The following DNAH12 variants were observed in gnomAD, a reference collection of about 807,000 sequenced individuals.
DNAH12 encodes dynein axonemal heavy chain 12.
DNAH12 carries 285 observed loss-of-function variants against 371.5 expected under a neutral mutation model. That is an observed-to-expected ratio of 0.77 (90% CI 0.70 to 0.85). DNAH12 has a LOEUF of 0.85. Ranked by LOEUF, DNAH12 falls within the 40% of genes least tolerant of loss-of-function variation. The pLI is 0.00. For synonymous variants in DNAH12, 1,200 were observed against 1,213.0 expected (o/e 0.99, Z 0.22); for missense variants, 3,611 against 3,689.4 (o/e 0.98, Z 0.55).
At chr3:57,403,216 G>T in intron 43 of DNAH12, 93 bp downstream of exon 43, 2 of 1,240,170 alleles carry the variant, frequency 1.6e-6, no homozygotes, top group Non-Finnish European at 2.2e-6. Context: ...CATCACTGGA[G>T]TTCAGTACAC....
intron 40 of DNAH12, 110 bp downstream of exon 40, chr3:57,408,170 C>T (rs1489627310): frequency 8.2e-7 from 1 of 1,223,884 alleles, no homozygotes; most frequent in African/African-American, 1.6e-5. Flanking sequence ...GTCTTCTAAA[C>T]AGTTTCTCTG....
At chr3:57,483,612 A>G in intron 12 of DNAH12, 101 bp from the exon 13 acceptor site, 3 of 1,262,740 alleles carry the variant, frequency 2.4e-6, no homozygotes, top group East Asian at 2.6e-5. Flanking sequence ...GAACTATGAT[A>G]TCCTAAAAAA....
intron 70 of DNAH12, among the ~76,000 whole-genome samples, chr3:57,298,936 T>C (rs953935467): frequency 2.0e-5 from 3 of 152,218 alleles, no homozygotes; most frequent in African/African-American, 7.2e-5. Context: ...AAATGAGGTC[T>C]CAATTCATAT....
upstream of DNAH12, among the ~76,000 whole-genome samples, chr3:57,546,490 C>T (rs150737613): frequency 3.3e-5 from 5 of 152,230 alleles, no homozygotes; most frequent in East Asian, 9.7e-4. Context: ...TACAGGCACA[C>T]ACCACGACAT....
At chr3:57,435,373 CAAAAAA>C (rs34515598) in intron 30 of DNAH12, among the ~76,000 whole-genome samples, 1 of 94,740 alleles carries the variant, frequency 1.1e-5, no homozygotes. Flanking sequence ...CTCTGTCTCC[CAAAAAA>C]AAAAAAAAAA....
At chr3:57,296,789 G>T in intron 71 of DNAH12, 58 bp downstream of exon 71, 1 of 1,511,598 alleles carries the variant, frequency 6.6e-7, no homozygotes, top group South Asian at 1.3e-5. Context: ...ACATAAACTC[G>T]GTTTAAATAC....
chr3:57,524,028 T>C (rs989736107), intron 2 of DNAH12, 144 bp from the exon 3 acceptor site: 12 of 501,736 alleles, frequency 2.4e-5, no homozygotes, highest in East Asian at 1.3e-4. Context: ...CAAATCCCAA[T>C]AGACATTATC....
intron 39 of DNAH12, among the ~76,000 whole-genome samples, chr3:57,410,903 C>A (rs1482526237): frequency 4.0e-5 from 6 of 151,842 alleles, no homozygotes; most frequent in African/African-American, 1.5e-4. Flanking sequence ...TACAAAAACC[C>A]TACAGCTAAC....
intron 57 of DNAH12, among the ~76,000 whole-genome samples, chr3:57,364,248 T>C: frequency 6.6e-6 from 1 of 152,144 alleles, no homozygotes; most frequent in Non-Finnish European, 1.5e-5. Flanking sequence ...AAAAATGGGA[T>C]GAAACTTCAA....
chr3:57,297,038 CACCTGATGTACA>C, intron 70 of DNAH12, 54 bp from the exon 71 acceptor site: 1 of 1,534,624 alleles, frequency 6.5e-7, no homozygotes. Context: ...ATACAAGTGC[CACCTGATGTACA>C]ATTCCTGATT....
rs923927081 is a variant in DNAH12, at chr3:57,372,286, T to G, written c.8759+3085A>C. Among the ~76,000 whole-genome samples, 33 of 152,090 alleles carry G rather than the reference T, an allele frequency of 2.2e-4. 1 individual carries two copies. The highest frequency in any genetic ancestry group is 2.0e-3 in the Admixed American group (31 of 15,268). On this transcript the variant is annotated intron_variant, in intron 55 of 73. Coordinates refer to ENST00000495027, the MANE Select transcript of DNAH12 (RefSeq NM_001366028.2). ...TACATATTAATTGTTTTAAAAGATT[T>G]TTTTTAGGCCAGAAAAAGAAAAAAG...
rs2065952430 is a variant in DNAH12, at chr3:57,458,080, A to C, written c.3053+19T>G. The C allele has an allele frequency of 6.5e-7, 1 of 1,540,396 alleles. No homozygotes were observed. The highest frequency in any genetic ancestry group is 1.4e-5 in the African/African-American group (1 of 72,098). On this transcript the variant is annotated intron_variant, in intron 21 of 73. Transcript: ENST00000495027. ...AAGAAAATGTTTTTAATTACAGCACAATTGATTATTTATCATACCGAGGGA... is the reference window on the plus strand; with the variant it reads ...AAGAAAATGTTTTTAATTACAGCACCATTGATTATTTATCATACCGAGGGA...
intron 69 of DNAH12, among the ~76,000 whole-genome samples, chr3:57,307,699 A>G (rs958965211): frequency 3.9e-5 from 6 of 152,016 alleles, no homozygotes; most frequent in East Asian, 1.9e-4. Context: ...GTCTCCCACA[A>G]TTACCATTGT....
At position 57,406,454 on chromosome 3, in the gene DNAH12, C is replaced by A. The variant is rs541729861; in HGVS notation, c.6277-502G>T. Among the ~76,000 whole-genome samples the A allele has an allele frequency of 2.6e-5, 4 of 151,942 alleles. No homozygotes were observed. The East Asian group carries it at 7.7e-4, about 29-fold the overall frequency. On this transcript the variant is annotated intron_variant, in intron 40 of 73. Transcript: ENST00000495027. ...TATATGTTTATTTTGGCTTATAGCACTCAACCAGGCATTATTAACTTGAGG... is the reference window on the plus strand; with the variant it reads ...TATATGTTTATTTTGGCTTATAGCAATCAACCAGGCATTATTAACTTGAGG...
intron 37 of DNAH12, 118 bp from the exon 38 acceptor site, chr3:57,415,682 C>CAT: frequency 2.1e-6 from 2 of 954,420 alleles, no homozygotes; most frequent in Non-Finnish European, 2.9e-6. Flanking sequence ...ATTAAAAACT[C>CAT]ATTTTTACCT....
chr3:57,303,078 G>A (rs1361204395), intron 69 of DNAH12, among the ~76,000 whole-genome samples: 1 of 151,194 alleles, frequency 6.6e-6, no homozygotes, highest in Non-Finnish European at 1.5e-5. Flanking sequence ...GGTGGCTCAC[G>A]CCTGTAATCC....
At chr3:57,344,993 T>C (rs556568810) in intron 60 of DNAH12, among the ~76,000 whole-genome samples, 27 of 151,814 alleles carry the variant, frequency 1.8e-4, no homozygotes, top group Middle Eastern at 3.4e-3. Flanking sequence ...ACTTAACTAC[T>C]AGTAGTCTAT....
chr3:57,359,515 C>T lies in DNAH12; in HGVS notation c.9361-2167G>A, dbSNP rs1400675394. On this transcript the variant is annotated intron_variant, in intron 58 of 73. Transcript: ENST00000495027. ...CAGAGGTTGCTGTGAGCCGAGATTG[C>T]GCCATTGCACTCCAGCCTGGGCAAC... Among the ~76,000 whole-genome samples, 11 of 143,290 alleles carry T rather than the reference C, an allele frequency of 7.7e-5. No homozygotes were observed. In the East Asian group the frequency reaches 8.2e-4, roughly 11 times the overall value. 94.0% of individuals were successfully genotyped at this position (143,290 alleles called of 152,430 possible). A position where few individuals can be genotyped will look rare whatever the true frequency, so the allele number is the denominator to read the frequency against.
intron 36 of DNAH12, 52 bp from the exon 37 acceptor site, chr3:57,419,570 T>C: frequency 1.5e-6 from 2 of 1,296,668 alleles, no homozygotes; most frequent in East Asian, 3.0e-5. Flanking sequence ...TTGCTGTATC[T>C]GAAAGGCTCT....
Sources: gnomAD v4.1 joint callset for allele counts (sites outside exome capture counted in the v4.1 genomes callset) on GRCh38, gnomAD v4.1.1 for gene constraint, MANE v1.5 for transcripts, NCBI Gene and HGNC (gene_info 2026-07-23, HGNC 2026-07-21) for gene names.